The following PKNOX2 variants were observed in gnomAD, a reference collection of about 807,000 sequenced individuals.
The protein encoded by PKNOX2 is PBX/knotted 1 homeobox 2, also known as homeobox protein PKNOX2.
PKNOX2 carries 14 observed loss-of-function variants against 53.1 expected under a neutral mutation model. The ratio of observed to expected loss-of-function variants is 0.26; its 90% confidence interval spans 0.17 to 0.41. PKNOX2 has a LOEUF of 0.41. PKNOX2 is among the 10% of genes least tolerant of loss of function. The pLI, the probability that PKNOX2 is intolerant of heterozygous loss-of-function variation, is 1.00. For synonymous variants in PKNOX2, 257 were observed against 242.8 expected (o/e 1.06, Z -0.54); for missense variants, 496 against 602.8 (o/e 0.82, Z 1.85).
intron 5 of PKNOX2, among the ~76,000 whole-genome samples, chr11:125,372,713 C>T (rs893368805): frequency 2.6e-5 from 4 of 152,336 alleles, no homozygotes; most frequent in African/African-American, 7.2e-5. Flanking sequence ...TCTCCTTCCT[C>T]GCAGCTCCAG....
intron 2 of PKNOX2, among the ~76,000 whole-genome samples, chr11:125,313,354 T>C (rs55971839): frequency 0.2 from 30,529 of 152,104 alleles, 3,353 homozygotes; most frequent in East Asian, 0.48. Flanking sequence ...TCCTACCTCA[T>C]TCAGTTCTGC....
chr11:125,305,677 C>A (rs1208274561), intron 2 of PKNOX2, among the ~76,000 whole-genome samples: 1 of 152,138 alleles, frequency 6.6e-6, no homozygotes, highest in Non-Finnish European at 1.5e-5. Context: ...TAACCAGTGC[C>A]CTGTCTGGAA....
chr11:125,386,689 G>T (rs958899946), intron 6 of PKNOX2, among the ~76,000 whole-genome samples: 1 of 137,428 alleles, frequency 7.3e-6, no homozygotes, highest in African/African-American at 2.8e-5. Flanking sequence ...AAAAGAAAAT[G>T]TGGTTCCAGA....
rs376500830 is a variant in PKNOX2, at chr11:125,430,153, G to A, written c.1192+12G>A. 810 of 1,612,914 alleles carry A rather than the reference G, an allele frequency of 5.0e-4. 1 individual carries two copies. Among genetic ancestry groups the A allele is most frequent in the Non-Finnish European group, 6.6e-4 (779 of 1,179,366 alleles). On this transcript the variant is annotated intron_variant, in intron 12 of 12. Transcript: ENST00000298282. ...GACAAACCCCGATGGTAAGAACTGG[G>A]GCTGAGTGCACCCTAGACAAGGGCT...
In PKNOX2 at chr11:125,318,277, T is replaced by A. The variant is rs532767824; in HGVS notation, c.-129-13542T>A. On this transcript the variant is annotated intron_variant, in intron 2 of 12. Transcript: ENST00000298282. ...ACCCGCCATCATGCCTGGCTAATTT[T>A]TTTTTTTTTTTTTTTGTATTTTTAG... 2.1e-4 allele frequency among the ~76,000 whole-genome samples: 32 copies of A among 151,038 alleles called. No individual in the cohort carries two copies. In the South Asian group the frequency reaches 6.7e-3, roughly 32 times the overall value.
intron 1 of PKNOX2, among the ~76,000 whole-genome samples, chr11:125,186,953 T>C (rs1956483193): frequency 6.6e-6 from 1 of 152,178 alleles, no homozygotes; most frequent in Non-Finnish European, 1.5e-5. Flanking sequence ...CTCAGCACCA[T>C]TTATTGAAGA....
chr11:125,178,443 G>A (rs1361672794), intron 1 of PKNOX2, among the ~76,000 whole-genome samples: 7 of 150,968 alleles, frequency 4.6e-5, no homozygotes, highest in South Asian at 2.1e-4. Flanking sequence ...CCCGGGAGGC[G>A]GAGGTTGCGG....
At chr11:125,323,212 G>C (rs1949628661) in intron 2 of PKNOX2, among the ~76,000 whole-genome samples, 1 of 152,154 alleles carries the variant, frequency 6.6e-6, no homozygotes, top group African/African-American at 2.4e-5. Context: ...CCTGGGCTCT[G>C]CTTTGAGCCC....
chr11:125,210,436 C>T (rs1481361776), intron 1 of PKNOX2, among the ~76,000 whole-genome samples: 3 of 152,144 alleles, frequency 2.0e-5, no homozygotes, highest in African/African-American at 7.2e-5. Flanking sequence ...GCTTCCTGCT[C>T]TTCCCTCTGC....
At chr11:125,297,397 C>T (rs1240788377) in intron 2 of PKNOX2, among the ~76,000 whole-genome samples, 1 of 152,206 alleles carries the variant, frequency 6.6e-6, no homozygotes, top group Non-Finnish European at 1.5e-5. Context: ...AATTCTTGAT[C>T]TCCAGTCTAG....
intron 2 of PKNOX2, among the ~76,000 whole-genome samples, chr11:125,297,820 A>T (rs1027775777): frequency 1.3e-5 from 2 of 152,156 alleles, no homozygotes; most frequent in African/African-American, 4.8e-5. Context: ...GCTCAGCGTC[A>T]TCTCCTCGCC....
intron 2 of PKNOX2, among the ~76,000 whole-genome samples, chr11:125,276,960 A>G (rs906599782): frequency 1.3e-5 from 2 of 152,226 alleles, no homozygotes; most frequent in African/African-American, 2.4e-5. Context: ...TCAGCATGGC[A>G]GTAGCTGAAG....
chr11:125,289,157 C>T (rs1378541013), intron 2 of PKNOX2, among the ~76,000 whole-genome samples: 1 of 152,206 alleles, frequency 6.6e-6, no homozygotes, highest in Non-Finnish European at 1.5e-5. Flanking sequence ...CAAGCGGAAC[C>T]CATAGCAGAC....
chr11:125,354,284 G>T (rs1412924441), intron 4 of PKNOX2, among the ~76,000 whole-genome samples: 1 of 152,170 alleles, frequency 6.6e-6, no homozygotes, highest in Non-Finnish European at 1.5e-5. Context: ...ACATGGGCCA[G>T]GCACACCAGG....
intron 4 of PKNOX2, among the ~76,000 whole-genome samples, chr11:125,359,450 G>A (rs1056115136): frequency 1.3e-5 from 2 of 152,150 alleles, no homozygotes; most frequent in African/African-American, 4.8e-5. Flanking sequence ...CTCTCTGCCT[G>A]CTTGAGCCAC....
chr11:125,300,580 A>T (rs2135954522), intron 2 of PKNOX2, among the ~76,000 whole-genome samples: 1 of 152,258 alleles, frequency 6.6e-6, no homozygotes, highest in South Asian at 2.1e-4. Context: ...AGAAAAAGAG[A>T]GACAGAGAGA....
At chr11:125,174,934 G>A (rs1210506030) in intron 1 of PKNOX2, among the ~76,000 whole-genome samples, 1 of 152,146 alleles carries the variant, frequency 6.6e-6, no homozygotes, top group Non-Finnish European at 1.5e-5. Flanking sequence ...GGGCCCTCTT[G>A]ACTTGTGAGA....
chr11:125,258,876 G>A (rs111663476), intron 2 of PKNOX2: 31 of 390,628 alleles, frequency 7.9e-5, no homozygotes, highest in African/African-American at 4.6e-4. Flanking sequence ...CTCTTGCCTC[G>A]GGGCCAGAGG....
At chr11:125,362,147 T>C (rs1441453099) in intron 4 of PKNOX2, among the ~76,000 whole-genome samples, 6 of 152,118 alleles carry the variant, frequency 3.9e-5, no homozygotes, top group African/African-American at 1.4e-4. Flanking sequence ...TGAAGTTTCA[T>C]TCTAATTGGA....
Sources: gnomAD v4.1 joint callset for allele counts (sites outside exome capture counted in the v4.1 genomes callset) on GRCh38, gnomAD v4.1.1 for gene constraint, MANE v1.5 for transcripts, NCBI Gene and HGNC (gene_info 2026-07-23, HGNC 2026-07-21) for gene names.